Variants in ZNF780B observed in about 807,000 individuals in gnomAD.
ZNF780B encodes the protein zinc finger protein 779.
A neutral mutation model predicts 74.1 loss-of-function variants in ZNF780B; 52 were observed. The observed-to-expected ratio is 0.70, with a 90% CI of 0.56 to 0.88. The LOEUF is 0.88. ZNF780B is among the 40% of genes least tolerant of loss of function. The pLI, the probability that ZNF780B is intolerant of heterozygous loss-of-function variation, is 0.00. For missense variants in ZNF780B, 953 were observed against 1,007.6 expected (o/e 0.95, Z 0.73); for synonymous variants, 315 against 324.3 (o/e 0.97, Z 0.31).
Position 40,036,227 on chromosome 19 carries a change from T to C in ZNF780B, c.632A>G (p.His211Arg), listed in dbSNP as rs1972302666. The C allele has an allele frequency of 2.5e-6, 4 of 1,611,430 alleles. No homozygotes were observed. The South Asian group carries it at 3.3e-5, about 13-fold the overall frequency. ...TTTCTCACCAGTATGAAATTTCTGA[T>C]GTCGAGTAAGTTGTATGTGAAGTTG... ...AFQLHIQLTR[H>R]QKFHTGEKTF... is the part of the protein sequence containing the mutation. The change falls in exon 5 of 5, where the codon CAT becomes CGT. Residue 211 changes from histidine (H) to arginine (R), a missense_variant. Coordinates refer to ENST00000434248, the MANE Select transcript of ZNF780B (RefSeq NM_001005851.3).
Position 40,035,659 on chromosome 19 carries a change from A to G in ZNF780B, c.1200T>C (p.Arg400=). The G allele has an allele frequency of 6.2e-7, 1 of 1,614,020 alleles. No individual in the cohort carries two copies. Among genetic ancestry groups the G allele is most frequent in the Non-Finnish European group, 8.5e-7 (1 of 1,180,008 alleles). The change falls in exon 5 of 5, where the codon CGT becomes CGC. Residue 400 remains arginine (R), a synonymous_variant. Transcript: ENST00000434248. ...TCTGGTGTTGAATAAGGTTTGAACT[A>G]CGATTAAAGGACTTCCCACATTCTT... ...ECKECGKSFN[R]SSNLIQHQSI... is the part of the protein sequence containing the mutation.
chr19:40,031,798 G>T lies in ZNF780B; in HGVS notation c.*2559C>A. The T allele has an allele frequency of 3.9e-6, 1 of 257,676 alleles. No homozygotes were observed. The allele number at this position is 257,676 out of a possible 1,614,324, so 16.0% of individuals were successfully genotyped here. On this transcript the variant is annotated 3_prime_UTR_variant, in exon 5 of 5. Transcript: ENST00000434248. ...ATTTTCATTTTGTATTCAATCCAGG[G>T]CTTAAGTACACGTGACTATAACTTT...
At chr19:40,052,193 G>A (rs114390444) in intron 1 of ZNF780B, among the ~76,000 whole-genome samples, 106 of 152,146 alleles carry the variant, frequency 7.0e-4, no homozygotes, top group African/African-American at 2.3e-3. Context: ...AGGCACTAAT[G>A]ACATATTGTG....
At position 40,047,449 on chromosome 19, in the gene ZNF780B, T is replaced by C. The variant is rs1568422117; in HGVS notation, c.158A>G (p.Asp53Gly). The change falls in exon 4 of 5, where the codon GAT (aspartate) becomes GGT (glycine). Residue 53 changes from aspartate to glycine, a missense_variant. Coordinates refer to ENST00000434248, the MANE Select transcript of ZNF780B (RefSeq NM_001005851.3). Reference protein sequence around the residue: ...ISLGSSISKPDVITLLEQEKE... With the variant: ...ISLGSSISKPGVITLLEQEKE... ...CTCTTGCTCTAGTAATGTAATCACA[T>C]CTGGCTTAGAAATGGAACTTCCTGC... is the stretch of plus-strand genomic sequence containing the variant. 1 of 1,612,878 alleles carries C rather than the reference T, an allele frequency of 6.2e-7. No homozygotes were observed. Among genetic ancestry groups the C allele is most frequent in the African/African-American group, 1.3e-5 (1 of 75,002 alleles).
chr19:40,034,485 G>C lies in ZNF780B; in HGVS notation c.2374C>G (p.Leu792Val). The change falls in exon 5 of 5, where the codon CTT becomes GTT. Residue 792 changes from leucine to valine, a missense_variant. Coordinates refer to ENST00000434248, the MANE Select transcript of ZNF780B (RefSeq NM_001005851.3). ...ECKECGKAFR[L>V]HLQLSLHQKL... Reference sequence around the variant, plus strand: ...TGATGCAGAGAAAGTTGTAGGTGAAGTCTAAAAGCCTTCCCACACTCCTTA... The same window carrying C: ...TGATGCAGAGAAAGTTGTAGGTGAACTCTAAAAGCCTTCCCACACTCCTTA... 6.2e-7 allele frequency: 1 copy of C among 1,613,572 alleles called. No individual in the cohort carries two copies. Among genetic ancestry groups the C allele is most frequent in the Non-Finnish European group, 8.5e-7 (1 of 1,179,866 alleles).
At chr19:40,039,354 C>T (rs1206099403) in intron 4 of ZNF780B, among the ~76,000 whole-genome samples, 8 of 152,146 alleles carry the variant, frequency 5.3e-5, no homozygotes, top group African/African-American at 1.4e-4. Flanking sequence ...GTGATGCCTC[C>T]GGCTTTGTTC....
intron 1 of ZNF780B, among the ~76,000 whole-genome samples, chr19:40,055,756 T>C (rs1343230126): frequency 1.3e-5 from 2 of 152,162 alleles, no homozygotes; most frequent in East Asian, 1.9e-4. Context: ...CTGCGCCTTC[T>C]TGTGCAAAGC....
In ZNF780B at chr19:40,037,328, C is replaced by T. The variant is rs563409126; in HGVS notation, c.233-702G>A. 1.1e-4 allele frequency among the ~76,000 whole-genome samples: 16 copies of T among 152,222 alleles called. No homozygotes were observed. In the East Asian group the frequency reaches 2.7e-3, roughly 26 times the overall value. On this transcript the variant is annotated intron_variant, in intron 4 of 4. Transcript: ENST00000434248. ...CTCAAACTCCCAGGCTCAAGCAATCCTCCTGCCTAAGCCTCCCAAGTGGCT... is the reference window on the plus strand; with the variant it reads ...CTCAAACTCCCAGGCTCAAGCAATCTTCCTGCCTAAGCCTCCCAAGTGGCT...
chr19:40,036,008 T>G lies in ZNF780B; in HGVS notation c.851A>C (p.Lys284Thr), dbSNP rs1368645771. The change falls in exon 5 of 5, where the codon AAA becomes ACA. Residue 284 changes from lysine (K) to threonine (T), a missense_variant. By Grantham distance (78) the Lys-to-Thr change is moderately conservative. Coordinates refer to ENST00000434248, the MANE Select transcript of ZNF780B (RefSeq NM_001005851.3). ...VKPYQCKECG[K>T]AFNRGSNLIQ... is the part of the protein sequence containing the mutation. ...AAGATTTGAACCACGATTAAAGGCTTTCCCACACTCCTTACATTGATATGG... is the reference window on the plus strand; with the variant it reads ...AAGATTTGAACCACGATTAAAGGCTGTCCCACACTCCTTACATTGATATGG... The G allele has an allele frequency of 6.2e-7, 1 of 1,614,138 alleles. No homozygotes were observed. The highest frequency in any genetic ancestry group is 8.5e-7 in the Non-Finnish European group (1 of 1,180,028).
In ZNF780B at chr19:40,032,036, G is replaced by T; in HGVS notation, c.*2321C>A. The T allele has an allele frequency of 2.2e-6, 1 of 455,842 alleles. No individual in the cohort carries two copies. The highest frequency in any genetic ancestry group is 1.5e-5 in the South Asian group (1 of 64,520). The allele number at this position is 455,842 out of a possible 1,614,324, so 28.2% of individuals were successfully genotyped here. On this transcript the variant is annotated 3_prime_UTR_variant, in exon 5 of 5. Transcript: ENST00000434248. ...AAACGTTTAATCTAGACCTAAGAAA[G>T]CCTCTGGACTTACTTTCCCTTGTAA...
In ZNF780B at chr19:40,036,169, A is replaced by G. The variant is rs373997141; in HGVS notation, c.690T>C (p.Phe230=). The change falls in exon 5 of 5, where the codon TTT becomes TTC. Residue 230 remains phenylalanine, a synonymous_variant. Transcript: ENST00000434248. ...GGCGATTAAGCTGGGTGGGAAGATT[A>G]AAGGCTTTTCCACATTCCTTACATT... ...TFECKECGKA[F]NLPTQLNRHK... The G allele has an allele frequency of 1.2e-6, 2 of 1,613,848 alleles. No homozygotes were observed. Among genetic ancestry groups the G allele is most frequent in the African/African-American group, 2.7e-5 (2 of 74,914 alleles).
At chr19:40,039,663 T>G (rs1972533357) in intron 4 of ZNF780B, among the ~76,000 whole-genome samples, 1 of 152,186 alleles carries the variant, frequency 6.6e-6, no homozygotes, top group Non-Finnish European at 1.5e-5. Context: ...TATTTTATTC[T>G]CTGAAGCAAT....
In ZNF780B at chr19:40,035,122, A is replaced by G. The variant is rs763643715; in HGVS notation, c.1737T>C (p.His579=). The change falls in exon 5 of 5, where the codon CAT becomes CAC. Residue 579 remains histidine (H), a synonymous_variant. Coordinates refer to ENST00000434248, the MANE Select transcript of ZNF780B (RefSeq NM_001005851.3). ...GSNLNQHRSI[H]TGKKPFECKE... is the part of the protein sequence containing the mutation. ...TACATTCAAAGGGTTTCTTTCCGGT[A>G]TGAATACTTCGATGTTGATTAAGAT... 5 of 1,613,540 alleles carry G rather than the reference A, an allele frequency of 3.1e-6. No individual in the cohort carries two copies. The highest frequency in any genetic ancestry group is 1.7e-5 in the Admixed American group (1 of 60,002).
At chr19:40,047,297 G>A in intron 4 of ZNF780B, 78 bp downstream of exon 4, 12 of 1,269,276 alleles carry the variant, frequency 9.5e-6, no homozygotes, top group Non-Finnish European at 1.4e-5. Flanking sequence ...CCACATCTCA[G>A]GGGTGTGACT....
chr19:40,045,515 G>T (rs1282989156), intron 4 of ZNF780B, among the ~76,000 whole-genome samples: 1 of 152,164 alleles, frequency 6.6e-6, no homozygotes, highest in Non-Finnish European at 1.5e-5. Context: ...AATGATACCT[G>T]CACTTGTATG....
rs776913240 is a variant in ZNF780B at position 40,035,831 on chromosome 19, G to A, written c.1028C>T (p.Thr343Ile). The change falls in exon 5 of 5, where the codon ACT becomes ATT. Residue 343 changes from threonine (T) to isoleucine (I), a missense_variant. By Grantham distance (89) the Thr-to-Ile change is moderately conservative. Coordinates refer to ENST00000434248, the MANE Select transcript of ZNF780B (RefSeq NM_001005851.3). ...FECKECRKAF[T>I]LLTKLVRHQK... The stretch of plus-strand genomic sequence containing the variant: ...ATGTCGAACAAGCTTTGTCAGAAGA[G>A]TAAAGGCCTTTCTGCATTCTTTACA... 3.0e-5 allele frequency: 48 copies of A among 1,613,652 alleles called. No individual in the cohort carries two copies. Among genetic ancestry groups the A allele is most frequent in the Admixed American group, 3.3e-5 (2 of 59,944 alleles).
intron 3 of ZNF780B, among the ~76,000 whole-genome samples, chr19:40,048,227 C>G (rs1973028246): frequency 6.6e-6 from 1 of 152,182 alleles, no homozygotes; most frequent in Admixed American, 6.5e-5. Context: ...TCTCTGCAGC[C>G]TTGACCTCCC....
At chr19:40,043,979 C>T (rs1972802599) in intron 4 of ZNF780B, among the ~76,000 whole-genome samples, 1 of 152,230 alleles carries the variant, frequency 6.6e-6, no homozygotes. Flanking sequence ...ATGCAGAAAT[C>T]ACCCATCTTC....
Position 40,034,081 on chromosome 19 carries a change from TC to T in ZNF780B, c.*275del. On this transcript the variant is annotated 3_prime_UTR_variant, in exon 5 of 5. Transcript: ENST00000434248. ...ATCATAATTACTGCTAAAGGCCTTTTCACATTCCTTACATTCATAGGGTTTC... is the reference window on the plus strand; with the variant it reads ...ATCATAATTACTGCTAAAGGCCTTTTACATTCCTTACATTCATAGGGTTTC... 2.0e-6 allele frequency: 1 copy of T among 501,552 alleles called. No individual in the cohort carries two copies. 31.1% of individuals were successfully genotyped at this position (501,552 alleles called of 1,614,324 possible). A position where few individuals can be genotyped will look rare whatever the true frequency, so the allele number is the denominator to read the frequency against.
Sources: allele counts gnomAD v4.1 joint callset (sites outside exome capture counted in the v4.1 genomes callset), GRCh38; gene constraint gnomAD v4.1.1; transcripts MANE v1.5; gene names NCBI Gene and HGNC (gene_info 2026-07-23, HGNC 2026-07-21).